Variants in IRF2 observed in about 807,000 individuals in gnomAD.
The protein encoded by IRF2 is interferon regulatory factor 2.
In IRF2, 15 loss-of-function variants were observed where a neutral mutation model predicts 40.6. The observed-to-expected ratio is 0.37, with a 90% confidence interval of 0.25 to 0.57. The LOEUF (loss-of-function observed/expected upper bound fraction) is 0.57, where lower values mean the gene tolerates loss of function less well. Ranked by LOEUF, IRF2 falls within the 20% of genes least tolerant of loss-of-function variation. The pLI is 0.77. For missense variants in IRF2, 317 were observed against 455.7 expected (o/e 0.70, Z 2.77); for synonymous variants, 151 against 165.5 (o/e 0.91, Z 0.67).
intron 1 of IRF2, among the ~76,000 whole-genome samples, chr4:184,461,636 G>A (rs930554972): frequency 5.3e-5 from 8 of 152,124 alleles, no homozygotes; most frequent in African/African-American, 1.9e-4. Flanking sequence ...CTGAATGGAT[G>A]AATGATCAAA....
chr4:184,402,727 T>C (rs1177775402), intron 6 of IRF2, among the ~76,000 whole-genome samples: 1 of 152,154 alleles, frequency 6.6e-6, no homozygotes, highest in African/African-American at 2.4e-5. Context: ...TCAAGACTTC[T>C]GACAAGTGGA....
chr4:184,466,219 T>G (rs1441429249), intron 1 of IRF2, among the ~76,000 whole-genome samples: 3 of 152,028 alleles, frequency 2.0e-5, no homozygotes, highest in African/African-American at 7.2e-5. Context: ...CCCAGCTAAT[T>G]TTTGTATTTT....
rs143305693 is a variant in IRF2, at chr4:184,460,598, C to G, written c.-7+13781G>C. On this transcript the variant is annotated intron_variant, in intron 1 of 8. Coordinates refer to ENST00000393593, the MANE Select transcript of IRF2 (RefSeq NM_002199.4). ...ATAATTATTCCTTAATTTCAGGCAA[C>G]TTAAAGTATTCACTATAGCCAAACA... Among the ~76,000 whole-genome samples the G allele has an allele frequency of 1.9e-3, 295 of 152,020 alleles. 2 individuals carry two copies. The highest frequency in any genetic ancestry group is 3.4e-3 in the Non-Finnish European group (233 of 67,976).
chr4:184,421,108 G>A (rs1250576373), intron 2 of IRF2, among the ~76,000 whole-genome samples: 1 of 152,200 alleles, frequency 6.6e-6, no homozygotes. Context: ...GGAAGGAGAG[G>A]AAATGTCAGC....
intron 1 of IRF2, among the ~76,000 whole-genome samples, chr4:184,453,547 G>T (rs191759647): frequency 1.5e-3 from 225 of 152,382 alleles, no homozygotes; most frequent in Middle Eastern, 3.4e-3. Flanking sequence ...AGAAGGCACA[G>T]CTCCTCCTCC....
intron 6 of IRF2, among the ~76,000 whole-genome samples, chr4:184,405,272 A>C (rs889383244): frequency 6.6e-6 from 1 of 152,114 alleles, no homozygotes; most frequent in African/African-American, 2.4e-5. Flanking sequence ...AACAAAACTC[A>C]GTAGAGGTAA....
At chr4:184,452,881 T>C (rs1579105040) in intron 1 of IRF2, among the ~76,000 whole-genome samples, 1 of 151,348 alleles carries the variant, frequency 6.6e-6, no homozygotes, top group East Asian at 1.9e-4. Context: ...GCATCTTACA[T>C]GCACTATGGG....
intron 1 of IRF2, among the ~76,000 whole-genome samples, chr4:184,447,316 T>G (rs1447795520): frequency 6.6e-6 from 1 of 152,250 alleles, no homozygotes; most frequent in Non-Finnish European, 1.5e-5. Flanking sequence ...GACTGAAATG[T>G]ATTTCTGTCA....
intron 7 of IRF2, 23 bp from the exon 8 acceptor site, chr4:184,390,772 A>C (rs768913472): frequency 1.2e-5 from 19 of 1,613,890 alleles, no homozygotes; most frequent in Non-Finnish European, 1.6e-5. Flanking sequence ...AGAAAAACAC[A>C]GGGCCATCAT....
intron 1 of IRF2, among the ~76,000 whole-genome samples, chr4:184,437,683 G>C (rs1243255908): frequency 2.6e-5 from 4 of 152,120 alleles, no homozygotes; most frequent in African/African-American, 9.7e-5. Context: ...GTTTACGCAG[G>C]CTGCTATAAT....
intron 1 of IRF2, among the ~76,000 whole-genome samples, chr4:184,458,328 C>G (rs1161528415): frequency 6.6e-6 from 1 of 152,176 alleles, no homozygotes; most frequent in Non-Finnish European, 1.5e-5. Flanking sequence ...TGGTTATTTA[C>G]CTGCTTGTCT....
At chr4:184,390,560 AT>A (rs1736221712) in intron 8 of IRF2, 142 bp downstream of exon 8, 2 of 733,148 alleles carry the variant, frequency 2.7e-6, no homozygotes, top group Admixed American at 5.1e-5. Context: ...AATTCTGGTG[AT>A]GCATATTTCA....
At chr4:184,442,438 G>C (rs1738345845) in intron 1 of IRF2, among the ~76,000 whole-genome samples, 1 of 152,098 alleles carries the variant, frequency 6.6e-6, no homozygotes, top group Non-Finnish European at 1.5e-5. Context: ...CATAAAGCAG[G>C]GCCACCTGGG....
chr4:184,430,261 C>CTG (rs1431451865), intron 1 of IRF2, among the ~76,000 whole-genome samples: 1 of 152,128 alleles, frequency 6.6e-6, no homozygotes, highest in African/African-American at 2.4e-5. Context: ...TGGGCCTCAC[C>CTG]CTGGGCCTGT....
chr4:184,460,653 ACACATG>A (rs1332885524), intron 1 of IRF2, among the ~76,000 whole-genome samples: 4 of 132,194 alleles, frequency 3.0e-5, no homozygotes, highest in South Asian at 2.6e-4. Context: ...ACACACACAC[ACACATG>A]CACGCGCACA....
In IRF2 at chr4:184,470,553, C is replaced by T. The variant is rs1051993424; in HGVS notation, c.-7+3826G>A. Among the ~76,000 whole-genome samples the T allele has an allele frequency of 5.9e-5, 9 of 151,992 alleles. No individual in the cohort carries two copies. In the South Asian group the frequency reaches 6.2e-4, roughly 11 times the overall value. On this transcript the variant is annotated intron_variant, in intron 1 of 8. Coordinates refer to ENST00000393593, the MANE Select transcript of IRF2 (RefSeq NM_002199.4). ...AAAATTAGCCAGGCATGGTAGCGCA[C>T]GCCTGCGCACACCTGTAGTCCCAAC... is the stretch of plus-strand genomic sequence containing the variant.
At chr4:184,463,938 A>G (rs930248988) in intron 1 of IRF2, among the ~76,000 whole-genome samples, 1 of 152,214 alleles carries the variant, frequency 6.6e-6, no homozygotes, top group Non-Finnish European at 1.5e-5. Flanking sequence ...CCAGACTCCT[A>G]TAAAATGCCT....
intron 6 of IRF2, among the ~76,000 whole-genome samples, chr4:184,401,795 G>A (rs1379884076): frequency 5.9e-5 from 9 of 152,190 alleles, no homozygotes; most frequent in African/African-American, 2.2e-4. Flanking sequence ...GGCAGTGAAG[G>A]TCTTAGATAA....
intron 1 of IRF2, among the ~76,000 whole-genome samples, chr4:184,470,652 T>C (rs1739480133): frequency 7.3e-6 from 1 of 137,088 alleles, no homozygotes. Flanking sequence ...AGTGTGCCAC[T>C]GTACACCAGT....
Sources: allele counts gnomAD v4.1 joint callset (sites outside exome capture counted in the v4.1 genomes callset), GRCh38; gene constraint gnomAD v4.1.1; transcripts MANE v1.5; gene names NCBI Gene and HGNC (gene_info 2026-07-23, HGNC 2026-07-21).